Variants in DNAH12 observed in about 807,000 individuals in gnomAD.
The protein encoded by DNAH12 is dynein axonemal heavy chain 12.
A neutral mutation model predicts 371.5 loss-of-function variants in DNAH12; 285 were observed. The ratio of observed to expected loss-of-function variants is 0.77; its 90% confidence interval spans 0.70 to 0.85. The LOEUF is 0.85. Among genes scored for constraint, DNAH12 ranks in the 40% least tolerant of loss-of-function variants. The pLI is 0.00. For synonymous variants in DNAH12, 1,200 were observed against 1,213.0 expected, an observed-to-expected ratio of 0.99 and a Z score of 0.22; for missense variants, 3,611 against 3,689.4, an observed-to-expected ratio of 0.98 and a Z score of 0.55.
At chr3:57,363,056 G>C (rs1197986266) in intron 58 of DNAH12, among the ~76,000 whole-genome samples, 2 of 152,092 alleles carry the variant, frequency 1.3e-5, no homozygotes, top group African/African-American at 4.8e-5. Context: ...TAAGGTATAA[G>C]GGAGGAATCC....
At chr3:57,455,415 A>T (rs1244599909) in intron 22 of DNAH12, among the ~76,000 whole-genome samples, 1 of 151,882 alleles carries the variant, frequency 6.6e-6, no homozygotes, top group Admixed American at 6.6e-5. Flanking sequence ...AAATAAAAAA[A>T]AAAAAATAGC....
intron 69 of DNAH12, among the ~76,000 whole-genome samples, chr3:57,306,659 G>A (rs1004575676): frequency 2.4e-4 from 36 of 151,894 alleles, no homozygotes; most frequent in African/African-American, 8.0e-4. Flanking sequence ...CCCTTACCCC[G>A]CATAATGCCA....
chr3:57,314,702 G>A (rs921876734), intron 65 of DNAH12, 71 bp from the exon 66 acceptor site: 23 of 1,423,974 alleles, frequency 1.6e-5, no homozygotes, highest in Non-Finnish European at 2.0e-5. Flanking sequence ...GAGAGGAATA[G>A]ATAAATGATC....
intron 13 of DNAH12, among the ~76,000 whole-genome samples, chr3:57,474,484 C>T (rs952498819): frequency 6.6e-5 from 10 of 151,986 alleles, no homozygotes; most frequent in African/African-American, 2.2e-4. Flanking sequence ...TTAGCAGAGA[C>T]GGGATTTCAC....
At chr3:57,553,381 T>C in the DNAH12 span, among the ~76,000 whole-genome samples, 2 of 152,174 alleles carry the variant, frequency 1.3e-5, no homozygotes, top group South Asian at 4.1e-4. Context: ...CCCATCTGTG[T>C]CCTGGATTTA....
intron 58 of DNAH12, among the ~76,000 whole-genome samples, chr3:57,360,290 A>G (rs1013021647): frequency 4.3e-4 from 65 of 152,146 alleles, no homozygotes; most frequent in African/African-American, 1.5e-3. Flanking sequence ...AAAACCCAAA[A>G]CAAAACAAAG....
At chr3:57,340,038 T>C (rs2062355020) in intron 60 of DNAH12, among the ~76,000 whole-genome samples, 1 of 150,210 alleles carries the variant, frequency 6.7e-6, no homozygotes, top group South Asian at 2.1e-4. Flanking sequence ...ACCACTGCAC[T>C]CCAGCATGGG....
intron 4 of DNAH12, among the ~76,000 whole-genome samples, chr3:57,514,072 G>T (rs2068094843): frequency 6.6e-6 from 1 of 152,136 alleles, no homozygotes; most frequent in African/African-American, 2.4e-5. Context: ...CTGATATGGA[G>T]CGATTTCTAG....
chr3:57,508,204 A>C lies in DNAH12; in HGVS notation c.701+178T>G, dbSNP rs547390595. The stretch of plus-strand genomic sequence containing the variant: ...TCCATCACGGGAAAAAAAAAACAAA[A>C]AAAAAAAAAACCAAAAAAAACCCAC... On this transcript the variant is annotated intron_variant, in intron 7 of 73. Transcript: ENST00000495027. Among the ~76,000 whole-genome samples the C allele has an allele frequency of 1.5e-3, 230 of 151,708 alleles. 1 individual carries two copies. Among genetic ancestry groups the C allele is most frequent in the Middle Eastern group, 6.8e-3 (2 of 292 alleles).
chr3:57,375,468 C>T lies in DNAH12; in HGVS notation c.8662G>A (p.Gly2888Ser), dbSNP rs2153339031. 6.6e-6 allele frequency: 1 copy of T among 152,112 alleles called. No individual in the cohort carries two copies. The highest frequency in any genetic ancestry group is 1.9e-4 in the East Asian group (1 of 5,178). 9.4% of individuals were successfully genotyped at this position (152,112 alleles called of 1,614,324 possible). The change falls in exon 55 of 74, where the codon GGT becomes AGT. Residue 2888 changes from glycine (G) to serine (S), a missense_variant. This residue lies in a region of DNAH12 where 2,266 missense variants were observed against 2,236.9 expected (regional missense o/e 1.01). Transcript: ENST00000495027. The part of the protein sequence containing the change: ...SEEFLLSKTL[G>S]DPVKIRAWNI... ...CAAGCTCTAATTTTTACTGGATCAC[C>T]CAGGGTTTTACTCAACAAGAACTCC...
At chr3:57,370,350 G>A (rs1056107503) in intron 55 of DNAH12, among the ~76,000 whole-genome samples, 3 of 152,176 alleles carry the variant, frequency 2.0e-5, no homozygotes, top group Admixed American at 6.5e-5. Context: ...GAGCACTTAT[G>A]TGCTAAGTGC....
At chr3:57,294,176 CTTTTT>C (rs62779960) in intron 73 of DNAH12, among the ~76,000 whole-genome samples, 2 of 129,104 alleles carry the variant, frequency 1.5e-5, no homozygotes, top group Non-Finnish European at 1.6e-5. Flanking sequence ...CTTTTCTTTT[CTTTTT>C]TTTTTTTTTT....
At chr3:57,419,572 A>T (rs1053506126) in intron 36 of DNAH12, 54 bp from the exon 37 acceptor site, 5 of 1,295,254 alleles carry the variant, frequency 3.9e-6, no homozygotes, top group Non-Finnish European at 5.0e-6. Context: ...GCTGTATCTG[A>T]AAGGCTCTTT....
At position 57,406,336 on chromosome 3, in the gene DNAH12, A is replaced by T. The variant is rs1240820959; in HGVS notation, c.6277-384T>A. Among the ~76,000 whole-genome samples, 3 of 150,304 alleles carry T rather than the reference A, an allele frequency of 2.0e-5. No homozygotes were observed. In the East Asian group the frequency reaches 5.8e-4, roughly 29 times the overall value. ...CACGCCATTGCACTCCAGCCTGGGC[A>T]ACGAAGTGAGATTCTGCCTCAAAAA... On this transcript the variant is annotated intron_variant, in intron 40 of 73. Coordinates refer to ENST00000495027, the MANE Select transcript of DNAH12 (RefSeq NM_001366028.2).
intron 25 of DNAH12, among the ~76,000 whole-genome samples, chr3:57,449,291 A>T (rs1268637024): frequency 6.6e-6 from 1 of 152,208 alleles, no homozygotes; most frequent in East Asian, 1.9e-4. Context: ...CACCTAGTGG[A>T]TCCCACACCC....
At chr3:57,488,648 GA>G (rs2067016323) in intron 12 of DNAH12, among the ~76,000 whole-genome samples, 1 of 152,078 alleles carries the variant, frequency 6.6e-6, no homozygotes. Flanking sequence ...TTGCTTCCGG[GA>G]AAATAAACAT....
At chr3:57,529,422 T>G (rs192912357) in intron 2 of DNAH12, among the ~76,000 whole-genome samples, 70 of 152,326 alleles carry the variant, frequency 4.6e-4, no homozygotes, top group Middle Eastern at 3.4e-3. Flanking sequence ...ATTACGTTAT[T>G]GGTCTGTTCA....
At chr3:57,465,528 T>A (rs1172538275) in intron 17 of DNAH12, among the ~76,000 whole-genome samples, 1 of 151,704 alleles carries the variant, frequency 6.6e-6, no homozygotes, top group Non-Finnish European at 1.5e-5. Context: ...TATGAACAAA[T>A]AACAAACTAT....
intron 9 of DNAH12, 82 bp from the exon 10 acceptor site, chr3:57,502,561 T>C: frequency 7.2e-7 from 1 of 1,393,886 alleles, no homozygotes; most frequent in Middle Eastern, 2.2e-4. Context: ...TTTTTTTTTT[T>C]CCTTTGGAGA....
Sources: gnomAD v4.1 joint callset for allele counts (sites outside exome capture counted in the v4.1 genomes callset) on GRCh38, gnomAD v4.1.1 for gene constraint, gnomAD v4.1.1 regional missense constraint, MANE v1.5 for transcripts, NCBI Gene and HGNC (gene_info 2026-07-23, HGNC 2026-07-21) for gene names.